Variants in RIMBP2 observed in about 807,000 individuals in gnomAD.
The protein encoded by RIMBP2 is RIMS-binding protein 2.
A neutral mutation model predicts 118.6 loss-of-function variants in RIMBP2; 48 were observed. The ratio of observed to expected loss-of-function variants is 0.40; its 90% CI spans 0.32 to 0.51. RIMBP2 has a LOEUF of 0.51. Among genes scored for constraint, RIMBP2 ranks in the 20% least tolerant of loss-of-function variants. The pLI is 0.41. For synonymous variants in RIMBP2, 762 were observed against 742.9 expected (o/e 1.03, Z -0.42); for missense variants, 1,551 against 1,768.3 (o/e 0.88, Z 2.20).
chr12:130,555,141 T>C (rs1417740828), intron 2 of RIMBP2, among the ~76,000 whole-genome samples: 1 of 152,216 alleles, frequency 6.6e-6, no homozygotes, highest in East Asian at 1.9e-4. Context: ...ACTTGAACCC[T>C]GCGATCTGAC....
At chr12:130,479,051 C>A (rs1247741401) in intron 4 of RIMBP2, 35 bp from the exon 5 acceptor site, 3 of 1,568,528 alleles carry the variant, frequency 1.9e-6, no homozygotes, top group Admixed American at 1.7e-5. Context: ...CTGAGCAGGG[C>A]AGCCTGTGCC....
chr12:130,454,395 G>T (rs1421206942), intron 7 of RIMBP2, among the ~76,000 whole-genome samples: 1 of 152,390 alleles, frequency 6.6e-6, no homozygotes, highest in East Asian at 1.9e-4. Context: ...GGCCTGCGCT[G>T]TCTGCAGGGA....
At chr12:130,612,543 A>C (rs1387697498) in intron 2 of RIMBP2, among the ~76,000 whole-genome samples, 3 of 152,198 alleles carry the variant, frequency 2.0e-5, no homozygotes, top group African/African-American at 4.8e-5. Flanking sequence ...CTGTACAGCA[A>C]CCCAAGCTAA....
chr12:130,421,723 G>C (rs1035416111), intron 17 of RIMBP2, among the ~76,000 whole-genome samples: 2 of 148,070 alleles, frequency 1.4e-5, no homozygotes, highest in Admixed American at 6.8e-5. Context: ...GTGTGTGTGT[G>C]TTTTCATAGA....
chr12:130,567,194 G>A (rs749905888), intron 2 of RIMBP2, among the ~76,000 whole-genome samples: 12 of 152,178 alleles, frequency 7.9e-5, no homozygotes, highest in Non-Finnish European at 1.5e-4. Flanking sequence ...ATCTTTATAA[G>A]TATTCACATA....
At chr12:130,539,063 C>T (rs992720551) in intron 2 of RIMBP2, among the ~76,000 whole-genome samples, 2 of 152,202 alleles carry the variant, frequency 1.3e-5, no homozygotes, top group Admixed American at 6.5e-5. Context: ...GGCCTGCAGG[C>T]CACATCCAGC....
In RIMBP2 at chr12:130,670,355, G is replaced by A. The variant is rs75880363; in HGVS notation, c.-351-41899C>T. The stretch of plus-strand genomic sequence containing the variant: ...AAGGCATGGAGAAGCGGATCTTCCC[G>A]GCAGCCACCAGCGTGTGAGCATTTT... On this transcript the variant is annotated intron_variant, in intron 1 of 22. Transcript: ENST00000690449. The surrounding 1 kb of genome is among the most constrained non-coding windows in gnomAD (Gnocchi z 4.9). 0.017 allele frequency among the ~76,000 whole-genome samples: 2,595 copies of A among 152,196 alleles called. 67 individuals are homozygous for A. Among genetic ancestry groups the A allele is most frequent in the African/African-American group, 0.058 (2,426 of 41,504 alleles).
chr12:130,436,633 G>A (rs1040567180), intron 13 of RIMBP2, among the ~76,000 whole-genome samples: 1 of 152,182 alleles, frequency 6.6e-6, no homozygotes, highest in Non-Finnish European at 1.5e-5. Flanking sequence ...TTAGTTATGT[G>A]GCTACATATT....
At chr12:130,414,536 T>C (rs889118187) in intron 17 of RIMBP2, 3 of 412,838 alleles carry the variant, frequency 7.3e-6, no homozygotes, top group Non-Finnish European at 1.3e-5. Context: ...TGTGAAAGCA[T>C]TGAGACAGGG....
intron 1 of RIMBP2, among the ~76,000 whole-genome samples, chr12:130,689,278 C>T (rs2065210352): frequency 6.6e-6 from 1 of 152,054 alleles, no homozygotes; most frequent in Admixed American, 6.6e-5. Flanking sequence ...ACCAAAAATA[C>T]AAAAATTAGC....
intron 9 of RIMBP2, among the ~76,000 whole-genome samples, chr12:130,445,906 T>G (rs2078478905): frequency 6.6e-6 from 1 of 152,156 alleles, no homozygotes. Context: ...CACAATTTCT[T>G]CCTAATGATA....
intron 11 of RIMBP2, among the ~76,000 whole-genome samples, chr12:130,441,638 A>C (rs191437507): frequency 6.6e-6 from 1 of 152,130 alleles, no homozygotes; most frequent in African/African-American, 2.4e-5. Context: ...CTCAAAGAAA[A>C]ATTGCCAACA....
intron 2 of RIMBP2, among the ~76,000 whole-genome samples, chr12:130,587,963 C>T (rs1227784426): frequency 6.6e-6 from 1 of 152,078 alleles, no homozygotes; most frequent in Admixed American, 6.5e-5. Flanking sequence ...CCTGTCCTTC[C>T]TCTGTCCCTC....
intron 2 of RIMBP2, among the ~76,000 whole-genome samples, chr12:130,553,152 CAAA>C (rs56149968): frequency 8.8e-6 from 1 of 114,022 alleles, no homozygotes; most frequent in Non-Finnish European, 1.9e-5. Context: ...GACTCCATCT[CAAA>C]AAAAAAAAAA....
At chr12:130,406,289 G>A (rs754132270) in intron 20 of RIMBP2, 46 bp from the exon 21 acceptor site, 2 of 1,309,078 alleles carry the variant, frequency 1.5e-6, no homozygotes, top group South Asian at 1.3e-5. Flanking sequence ...CTACACAACA[G>A]TAGTAGTTTT....
Position 130,442,140 on chromosome 12 carries a change from G to T in RIMBP2, c.1212C>A (p.Gly404=), listed in dbSNP as rs751521136. 6.2e-7 allele frequency: 1 copy of T among 1,614,158 alleles called. No individual in the cohort carries two copies. The highest frequency in any genetic ancestry group is 8.5e-7 in the Non-Finnish European group (1 of 1,180,018). The change falls in exon 11 of 23, where the codon GGC becomes GGA. Residue 404 remains glycine, a synonymous_variant. Coordinates refer to ENST00000690449, the MANE Select transcript of RIMBP2 (RefSeq NM_001393629.1). The surrounding 1 kb of genome is among the most constrained non-coding windows in gnomAD (Gnocchi z 6.9). ...SDELQCTLLV[G]KDVVVAPSHL... The stretch of plus-strand genomic sequence containing the variant: ...GGGAGGGGGCCACCACCACGTCCTT[G>T]CCCACCAGCAGCGTGCACTGCAGCT...
intron 3 of RIMBP2, among the ~76,000 whole-genome samples, chr12:130,510,060 A>T (rs1292184101): frequency 6.6e-6 from 1 of 152,204 alleles, no homozygotes; most frequent in Non-Finnish European, 1.5e-5. Context: ...TTGCCTTCTA[A>T]GGGTCAGCAT....
chr12:130,434,717 G>A lies in RIMBP2; in HGVS notation c.2253+17C>T, dbSNP rs1237696145. ...GCGCCCACCAGGAGGATGGTGTGGG[G>A]CCCGGCCCGCTCTCACCTGCTTGCC... On this transcript the variant is annotated intron_variant, in intron 14 of 22. Coordinates refer to ENST00000690449, the MANE Select transcript of RIMBP2 (RefSeq NM_001393629.1). This position sits in a 1 kb window ranked among gnomAD's most constrained non-coding sequence, Gnocchi z 5.7. 1.9e-6 allele frequency: 3 copies of A among 1,608,746 alleles called. No homozygotes were observed. In the South Asian group the frequency reaches 3.3e-5, roughly 18 times the overall value.
intron 2 of RIMBP2, among the ~76,000 whole-genome samples, chr12:130,554,718 T>C (rs2139780836): frequency 6.6e-6 from 1 of 152,096 alleles, no homozygotes; most frequent in South Asian, 2.1e-4. Flanking sequence ...TTATCCCCAT[T>C]TTAGAGAGAG....
Sources: gnomAD v4.1 joint callset for allele counts (sites outside exome capture counted in the v4.1 genomes callset) on GRCh38, gnomAD v4.1.1 for gene constraint, Gnocchi (gnomAD v3.1) non-coding constraint, MANE v1.5 for transcripts, NCBI Gene and HGNC (gene_info 2026-07-23, HGNC 2026-07-21) for gene names.